The following HIVEP1 variants were observed in gnomAD, a reference collection of about 807,000 sequenced individuals.
The protein encoded by HIVEP1 is zinc finger protein 40.
Under a neutral mutation model 180.0 loss-of-function variants are expected in HIVEP1, and 36 were observed. The observed-to-expected ratio is 0.20, with a 90% CI of 0.15 to 0.26. The LOEUF (loss-of-function observed/expected upper bound fraction) is 0.26. Among genes scored for constraint, HIVEP1 ranks in the 10% least tolerant of loss-of-function variants. The probability of loss-of-function intolerance (pLI) is 1.00; values close to 1 mark genes in which losing one functional copy is unlikely to be tolerated. For synonymous variants in HIVEP1, 1,239 were observed against 1,239.0 expected (o/e 1.00, Z 0.00); for missense variants, 3,143 against 3,268.7 (o/e 0.96, Z 0.94).
downstream of HIVEP1, among the ~76,000 whole-genome samples, chr6:12,169,557 A>G (rs925343686): frequency 6.6e-6 from 1 of 152,208 alleles, no homozygotes; most frequent in African/African-American, 2.4e-5. Context: ...GATCAGGTAA[A>G]CTAGGACATG....
At chr6:12,042,372 C>T (rs1282985364) in intron 2 of HIVEP1, among the ~76,000 whole-genome samples, 11 of 127,062 alleles carry the variant, frequency 8.7e-5, no homozygotes, top group Non-Finnish European at 1.5e-4. Context: ...TGAGCCACCG[C>T]ACCCGGCCGC....
chr6:12,094,960 C>T (rs974352921), intron 3 of HIVEP1, among the ~76,000 whole-genome samples: 2 of 151,902 alleles, frequency 1.3e-5, no homozygotes, highest in Non-Finnish European at 2.9e-5. Context: ...AGGGATTATC[C>T]AAACATTCTA....
chr6:12,084,259 G>A (rs1044379525), intron 2 of HIVEP1, among the ~76,000 whole-genome samples: 2 of 152,098 alleles, frequency 1.3e-5, no homozygotes, highest in Non-Finnish European at 2.9e-5. Flanking sequence ...GCACAGAGTT[G>A]AGTCTTTGAT....
chr6:12,065,859 C>A (rs1394374078), intron 2 of HIVEP1, among the ~76,000 whole-genome samples: 1 of 152,074 alleles, frequency 6.6e-6, no homozygotes, highest in Non-Finnish European at 1.5e-5. Context: ...GATTAGAAAG[C>A]TATTTTTGGT....
In HIVEP1 at chr6:12,071,384, A is replaced by G. The variant is rs1351857160; in HGVS notation, c.41-17800A>G. Among the ~76,000 whole-genome samples the G allele has an allele frequency of 2.6e-5, 4 of 152,138 alleles. No homozygotes were observed. The East Asian group carries it at 7.7e-4, about 29-fold the overall frequency. On this transcript the variant is annotated intron_variant, in intron 2 of 8. Coordinates refer to ENST00000379388, the MANE Select transcript of HIVEP1 (RefSeq NM_002114.4). The stretch of plus-strand genomic sequence containing the variant: ...ACTCTGATCGCTCTCCTGATATACT[A>G]ACTCTTCACCACTCTCCTCTCACCT...
At position 12,121,234 on chromosome 6, in the gene HIVEP1, C is replaced by G; in HGVS notation, c.1439C>G (p.Pro480Arg). The part of the protein sequence containing the change: ...AGGLFLSHES[P>R]KALSIHSDVE... ...GGCTTGTTCTTGTCCCACGAGTCCC[C>G]CAAAGCACTTAGTATTCATTCAGAC... The change falls in exon 4 of 9, where the codon CCC becomes CGC. Residue 480 changes from proline to arginine, a missense_variant. Pro to Arg is a moderately radical substitution (Grantham distance 103). Transcript: ENST00000379388. This position sits in a 1 kb window ranked among gnomAD's most constrained non-coding sequence, Gnocchi z 5.3. The G allele has an allele frequency of 6.2e-7, 1 of 1,614,076 alleles. No homozygotes were observed. Among genetic ancestry groups the G allele is most frequent in the African/African-American group, 1.3e-5 (1 of 74,996 alleles).
chr6:12,073,025 A>T (rs980967539), intron 2 of HIVEP1, among the ~76,000 whole-genome samples: 1 of 152,184 alleles, frequency 6.6e-6, no homozygotes, highest in Non-Finnish European at 1.5e-5. Context: ...CACATAGAGA[A>T]CAATGTGGAT....
chr6:12,082,201 T>C (rs1241123502), intron 2 of HIVEP1, among the ~76,000 whole-genome samples: 1 of 152,082 alleles, frequency 6.6e-6, no homozygotes, highest in African/African-American at 2.4e-5. Flanking sequence ...ATGTATACAG[T>C]CTGGGGTGTC....
At chr6:12,169,010 C>A (rs923306089), downstream of HIVEP1, among the ~76,000 whole-genome samples, 1 of 152,048 alleles carries the variant, frequency 6.6e-6, no homozygotes, top group African/African-American at 2.4e-5. Context: ...GCCTCAACCA[C>A]CCGAATAGCT....
At chr6:12,059,619 C>T (rs1210431165) in intron 2 of HIVEP1, among the ~76,000 whole-genome samples, 1 of 152,172 alleles carries the variant, frequency 6.6e-6, no homozygotes, top group African/African-American at 2.4e-5. Context: ...TTCTCCTCGC[C>T]TACTGTGCTG....
Position 12,164,310 on chromosome 6 carries a change from C to A in HIVEP1, c.8006C>A (p.Ser2669Tyr). 3 of 1,613,982 alleles carry A rather than the reference C, an allele frequency of 1.9e-6. No homozygotes were observed. Among genetic ancestry groups the A allele is most frequent in the Non-Finnish European group, 2.5e-6 (3 of 1,180,018 alleles). ...STSQPLLKAH[S>Y]EVFTKPSGQQ... ...TCACAACCTCTGCTGAAGGCACATT[C>A]TGAAGTTTTTACAAAGCCCTCAGGC... Residue 2669 changes from serine (S) to tyrosine (Y), a missense_variant, in exon 9 of 9, where the codon TCT (serine) becomes TAT (tyrosine). Physicochemically the swap from Ser to Tyr is moderately radical, Grantham distance 144 (BLOSUM62 -2). This residue lies in a region of HIVEP1 where 595 missense variants were observed against 602.2 expected (regional missense o/e 0.99). Coordinates refer to ENST00000379388, the MANE Select transcript of HIVEP1 (RefSeq NM_002114.4).
chr6:12,023,428 T>G (rs961240106), intron 2 of HIVEP1, among the ~76,000 whole-genome samples: 1 of 152,200 alleles, frequency 6.6e-6, no homozygotes, highest in African/African-American at 2.4e-5. Flanking sequence ...GCCTTAAGAT[T>G]TGAGAAATCA....
At chr6:12,165,145 T>G (rs1438100195), downstream of HIVEP1, 2 of 514,850 alleles carry the variant, frequency 3.9e-6, no homozygotes, top group Admixed American at 3.9e-5. Context: ...TTCTACCATG[T>G]GAAACTGTAA....
rs1386560771 is a variant in HIVEP1 at position 12,123,420 on chromosome 6, A to G, written c.3625A>G (p.Ser1209Gly). The change falls in exon 4 of 9, where the codon AGC (serine) becomes GGC (glycine). Residue 1209 changes from serine to glycine, a missense_variant. Ser to Gly is a moderately conservative substitution (Grantham distance 56, BLOSUM62 0). This residue lies in a region of HIVEP1 where 1,357 missense variants were observed against 1,260.5 expected (regional missense o/e 1.08). Coordinates refer to ENST00000379388, the MANE Select transcript of HIVEP1 (RefSeq NM_002114.4). Reference sequence around the variant, plus strand: ...CGCTCTCAGAGGAGAACTTCAGGAAAGCTCCAGAAAGAGTCCAAGTGAACG... The same window carrying G: ...CGCTCTCAGAGGAGAACTTCAGGAAGGCTCCAGAAAGAGTCCAAGTGAACG... ...SDALRGELQE[S>G]SRKSPSERHV... is the part of the protein sequence containing the mutation. The G allele has an allele frequency of 1.9e-6, 3 of 1,614,200 alleles. No homozygotes were observed. In the East Asian group the frequency reaches 6.7e-5, roughly 36 times the overall value.
intron 3 of HIVEP1, among the ~76,000 whole-genome samples, chr6:12,102,213 G>C (rs1466701208): frequency 6.6e-6 from 1 of 152,084 alleles, no homozygotes; most frequent in Non-Finnish European, 1.5e-5. Context: ...AGGTCAGCAA[G>C]GAAATAGAAG....
At chr6:12,167,967 TTA>T (rs1241513260), downstream of HIVEP1, among the ~76,000 whole-genome samples, 1 of 119,262 alleles carries the variant, frequency 8.4e-6, no homozygotes, top group African/African-American at 3.1e-5. Context: ...TATGTATATA[TTA>T]TATATACATG....
intron 2 of HIVEP1, among the ~76,000 whole-genome samples, chr6:12,050,542 C>T (rs1406208235): frequency 4.0e-5 from 6 of 151,566 alleles, no homozygotes; most frequent in Non-Finnish European, 7.4e-5. Context: ...GCCGAGATCA[C>T]GCCACTACAC....
At chr6:12,056,877 C>A (rs1770913039) in intron 2 of HIVEP1, among the ~76,000 whole-genome samples, 1 of 151,098 alleles carries the variant, frequency 6.6e-6, no homozygotes, top group East Asian at 1.9e-4. Context: ...TGCTTTGTTA[C>A]CCAGGCTGGA....
chr6:12,184,328 A>G, the HIVEP1 span, among the ~76,000 whole-genome samples: 1 of 152,204 alleles, frequency 6.6e-6, no homozygotes, highest in Non-Finnish European at 1.5e-5. Flanking sequence ...AGATTTAGAT[A>G]TAAATATCTT....
Sources: gnomAD v4.1 joint callset for allele counts (sites outside exome capture counted in the v4.1 genomes callset) on GRCh38, gnomAD v4.1.1 for gene constraint, gnomAD v4.1.1 regional missense constraint, Gnocchi (gnomAD v3.1) non-coding constraint, MANE v1.5 for transcripts, NCBI Gene and HGNC (gene_info 2026-07-23, HGNC 2026-07-21) for gene names.